The following DCBLD2 variants were observed in gnomAD, a reference collection of about 807,000 sequenced individuals.
DCBLD2 encodes the protein discoidin, CUB and LCCL domain containing 2, also known as discoidin, CUB and LCCL domain-containing protein 2.
A neutral mutation model predicts 86.8 loss-of-function variants in DCBLD2; 54 were observed. That is an observed-to-expected ratio of 0.62 (90% CI 0.50 to 0.78). The LOEUF is 0.78. Ranked by LOEUF, DCBLD2 falls within the 30% of genes least tolerant of loss-of-function variation. DCBLD2 has a pLI of 0.00. For missense variants in DCBLD2, 908 were observed against 954.2 expected (o/e 0.95, Z 0.64); for synonymous variants, 354 against 341.3 (o/e 1.04, Z -0.41).
intron 1 of DCBLD2, among the ~76,000 whole-genome samples, chr3:98,885,804 G>C (rs1203204313): frequency 6.6e-6 from 1 of 151,766 alleles, no homozygotes; most frequent in African/African-American, 2.4e-5. Context: ...GGGCAGAGGA[G>C]AAGAGGACCC....
chr3:98,832,178 G>A (rs898580086), intron 3 of DCBLD2, among the ~76,000 whole-genome samples: 5 of 152,228 alleles, frequency 3.3e-5, no homozygotes, highest in African/African-American at 1.2e-4. Flanking sequence ...TGAACTGAAT[G>A]CTTTACATTA....
At chr3:98,822,508 A>T in intron 5 of DCBLD2, 147 bp from the exon 6 acceptor site, 1 of 1,289,074 alleles carries the variant, frequency 7.8e-7, no homozygotes. Context: ...ACTGTAACAC[A>T]ACAGTTTTAG....
Position 98,838,501 on chromosome 3 carries a change from G to C in DCBLD2, c.571+10960C>G, listed in dbSNP as rs1942530703. 2.0e-5 allele frequency among the ~76,000 whole-genome samples: 3 copies of C among 147,010 alleles called. No individual in the cohort carries two copies. In the South Asian group the frequency reaches 7.0e-4, roughly 34 times the overall value. ...TCCTAGATGTGATGGCAGCTGGGAAGAGGCGCTCCTCACTTCCTAGATGGG... is the reference window on the plus strand; with the variant it reads ...TCCTAGATGTGATGGCAGCTGGGAACAGGCGCTCCTCACTTCCTAGATGGG... On this transcript the variant is annotated intron_variant, in intron 3 of 15. Coordinates refer to ENST00000326840, the MANE Select transcript of DCBLD2 (RefSeq NM_080927.4).
intron 2 of DCBLD2, among the ~76,000 whole-genome samples, chr3:98,851,880 A>C (rs545390124): frequency 6.6e-6 from 1 of 152,390 alleles, no homozygotes; most frequent in Admixed American, 6.5e-5. Flanking sequence ...CCAGCTAGCC[A>C]TATGCAGAAA....
intron 3 of DCBLD2, among the ~76,000 whole-genome samples, chr3:98,827,385 A>G (rs929820133): frequency 6.6e-6 from 1 of 152,244 alleles, no homozygotes; most frequent in Non-Finnish European, 1.5e-5. Context: ...GTGTGGTCCA[A>G]TATGGCACTT....
chr3:98,897,163 C>G (rs975414199), intron 1 of DCBLD2, among the ~76,000 whole-genome samples: 3 of 152,276 alleles, frequency 2.0e-5, no homozygotes, highest in Admixed American at 2.0e-4. Flanking sequence ...AAATGAGGCT[C>G]AGATGTTCAA....
In DCBLD2 at chr3:98,860,653, A is replaced by C. The variant is rs551159456; in HGVS notation, c.434-11055T>G. Among the ~76,000 whole-genome samples, 20 of 152,310 alleles carry C rather than the reference A, an allele frequency of 1.3e-4. 1 individual carries two copies. The highest frequency in any genetic ancestry group is 4.3e-4 in the African/African-American group (18 of 41,584). On this transcript the variant is annotated intron_variant, in intron 2 of 15. Transcript: ENST00000326840. ...TTCATAAGTGAAGGAGAAATAAAATACTTTACAGACAAGCAAACGCTGACA... is the reference window on the plus strand; with the variant it reads ...TTCATAAGTGAAGGAGAAATAAAATCCTTTACAGACAAGCAAACGCTGACA...
At chr3:98,822,965 T>C (rs1382032118) in intron 4 of DCBLD2, among the ~76,000 whole-genome samples, 1 of 152,204 alleles carries the variant, frequency 6.6e-6, no homozygotes, top group Non-Finnish European at 1.5e-5. Context: ...ATCTGTCTCC[T>C]GGGTCTCAGA....
intron 1 of DCBLD2, among the ~76,000 whole-genome samples, chr3:98,898,243 G>C (rs1203483374): frequency 6.6e-6 from 1 of 151,514 alleles, no homozygotes; most frequent in Admixed American, 6.6e-5. Flanking sequence ...ATTTTATTCG[G>C]AGCCAAATAA....
intron 2 of DCBLD2, among the ~76,000 whole-genome samples, chr3:98,860,996 C>T (rs1943032692): frequency 6.6e-6 from 1 of 152,152 alleles, no homozygotes; most frequent in African/African-American, 2.4e-5. Context: ...CATGCAGAGA[C>T]ACACATAGGC....
intron 3 of DCBLD2, among the ~76,000 whole-genome samples, chr3:98,833,244 T>C (rs780747771): frequency 2.0e-5 from 3 of 152,180 alleles, no homozygotes; most frequent in Non-Finnish European, 4.4e-5. Context: ...TGCAATTGGG[T>C]TGTGAAATTC....
chr3:98,832,397 C>A (rs1251138157), intron 3 of DCBLD2, among the ~76,000 whole-genome samples: 1 of 152,112 alleles, frequency 6.6e-6, no homozygotes, highest in Non-Finnish European at 1.5e-5. Flanking sequence ...CAGCATGCCA[C>A]TCTATGCCTT....
At chr3:98,854,206 G>C (rs560727638) in intron 2 of DCBLD2, among the ~76,000 whole-genome samples, 1 of 152,102 alleles carries the variant, frequency 6.6e-6, no homozygotes, top group Non-Finnish European at 1.5e-5. Flanking sequence ...GTACAGAAGA[G>C]GCCATGATAG....
chr3:98,838,375 C>T (rs1328536137), intron 3 of DCBLD2, among the ~76,000 whole-genome samples: 2 of 109,034 alleles, frequency 1.8e-5, no homozygotes, highest in African/African-American at 3.3e-5. Context: ...GACGGGGTCT[C>T]GGCCGGGCAG....
intron 1 of DCBLD2, 90 bp downstream of exon 1, chr3:98,901,032 C>T (rs1943838985): frequency 6.5e-7 from 1 of 1,528,532 alleles, no homozygotes; most frequent in Non-Finnish European, 8.7e-7. Flanking sequence ...ACCGCGCCTC[C>T]CTGCAGCGTC....
intron 14 of DCBLD2, 153 bp downstream of exon 14, chr3:98,801,447 G>A: frequency 2.0e-6 from 1 of 502,748 alleles, no homozygotes; most frequent in Middle Eastern, 2.9e-4. Context: ...TTGCAGAAGG[G>A]TAAAAATGGT....
At chr3:98,831,695 T>C (rs1365328314) in intron 3 of DCBLD2, among the ~76,000 whole-genome samples, 1 of 152,240 alleles carries the variant, frequency 6.6e-6, no homozygotes, top group Non-Finnish European at 1.5e-5. Flanking sequence ...ATTTTTGCCT[T>C]AATTTCATTA....
At chr3:98,853,909 G>C (rs1278648622) in intron 2 of DCBLD2, among the ~76,000 whole-genome samples, 1 of 152,152 alleles carries the variant, frequency 6.6e-6, no homozygotes, top group African/African-American at 2.4e-5. Context: ...CATCAGCTCT[G>C]CCCACTTTCA....
chr3:98,846,150 A>G (rs762504103), intron 3 of DCBLD2, among the ~76,000 whole-genome samples: 1 of 152,214 alleles, frequency 6.6e-6, no homozygotes, highest in African/African-American at 2.4e-5. Context: ...GGGCTCTTGC[A>G]CAAGGTAATG....
Sources: allele counts gnomAD v4.1 joint callset (sites outside exome capture counted in the v4.1 genomes callset), GRCh38; gene constraint gnomAD v4.1.1; transcripts MANE v1.5; gene names NCBI Gene and HGNC (gene_info 2026-07-23, HGNC 2026-07-21).